SYNPR: variants seen among roughly 807,000 people sequenced by gnomAD.
SYNPR encodes synaptoporin.
In SYNPR, 23 loss-of-function variants were observed where a neutral mutation model predicts 32.9. The observed-to-expected ratio is 0.70, with a 90% CI of 0.50 to 0.99. The LOEUF (loss-of-function observed/expected upper bound fraction) is 0.99. SYNPR is among the 50% of genes least tolerant of loss of function. SYNPR has a pLI of 0.00. For synonymous variants in SYNPR, 146 were observed against 135.9 expected, an observed-to-expected ratio of 1.07 and a Z score of -0.52; for missense variants, 318 against 349.3, an observed-to-expected ratio of 0.91 and a Z score of 0.71.
chr3:63,443,099 T>TGTGAGCC, intron 2 of SYNPR: 3 of 1,089,692 alleles, frequency 2.8e-6, no homozygotes, highest in Non-Finnish European at 3.4e-6. Context: ...CACTTCCAGT[T>TGTGAGCC]GTGAGCCAAG....
chr3:63,278,791 A>G lies in SYNPR; in HGVS notation c.84+49A>G, dbSNP rs1178347184. 4 of 1,538,652 alleles carry G rather than the reference A, an allele frequency of 2.6e-6. No individual in the cohort carries two copies. The East Asian group carries it at 9.8e-5, about 38-fold the overall frequency. On this transcript the variant is annotated intron_variant, in intron 2 of 5. Transcript: ENST00000478300. ...GAGGGGCGCCAGGCAGCCAGCTATC[A>G]GGTGAGGAGAGGTCGGATGGGGTGC...
intron 4 of SYNPR, among the ~76,000 whole-genome samples, chr3:63,562,465 G>A (rs1702707289): frequency 6.6e-6 from 1 of 152,186 alleles, no homozygotes; most frequent in South Asian, 2.1e-4. Flanking sequence ...CAGAGGCTAT[G>A]TTATTCAAAC....
intron 2 of SYNPR, among the ~76,000 whole-genome samples, chr3:63,297,135 G>T (rs558242723): frequency 6.6e-6 from 1 of 152,238 alleles, no homozygotes; most frequent in African/African-American, 2.4e-5. Flanking sequence ...AAATAATTTA[G>T]ATTAGGGACT....
intron 4 of SYNPR, among the ~76,000 whole-genome samples, chr3:63,557,895 C>T (rs1199650524): frequency 6.6e-6 from 1 of 152,286 alleles, no homozygotes; most frequent in East Asian, 1.9e-4. Flanking sequence ...GGTTTGAATA[C>T]AGTTTATCCC....
chr3:63,411,398 G>T (rs985355672), intron 2 of SYNPR, among the ~76,000 whole-genome samples: 1 of 152,078 alleles, frequency 6.6e-6, no homozygotes, highest in Non-Finnish European at 1.5e-5. Context: ...GCTAGGCAGT[G>T]GTGGATATAA....
At chr3:63,460,659 G>A (rs1170102013) in intron 2 of SYNPR, among the ~76,000 whole-genome samples, 1 of 151,470 alleles carries the variant, frequency 6.6e-6, no homozygotes, top group Admixed American at 6.6e-5. Flanking sequence ...AATGAGAGAG[G>A]AGGCTAGAGG....
chr3:63,321,145 A>T (rs1341565264), intron 2 of SYNPR, among the ~76,000 whole-genome samples: 1 of 152,070 alleles, frequency 6.6e-6, no homozygotes, highest in Non-Finnish European at 1.5e-5. Flanking sequence ...AAATAAAGGG[A>T]GGACCTTACG....
In SYNPR at chr3:63,538,225, A is replaced by G. The variant is rs931689512; in HGVS notation, c.210-18318A>G. Among the ~76,000 whole-genome samples, 11 of 152,132 alleles carry G rather than the reference A, an allele frequency of 7.2e-5. 1 individual carries two copies. The highest frequency in any genetic ancestry group is 5.2e-4 in the Admixed American group (8 of 15,248). ...ATCCTACTAGAGATAAGAAACCACT[A>G]TAAGTAAACAAAACAAACCCTGAAC... On this transcript the variant is annotated intron_variant, in intron 3 of 5. Coordinates refer to ENST00000478300, the MANE Select transcript of SYNPR (RefSeq NM_001130003.2).
intron 2 of SYNPR, among the ~76,000 whole-genome samples, chr3:63,368,864 G>A (rs955516039): frequency 7.9e-5 from 12 of 152,162 alleles, no homozygotes; most frequent in African/African-American, 2.9e-4. Context: ...GTTGTTGATA[G>A]ACATTCAAAC....
At chr3:63,491,810 C>A (rs1325611702) in intron 3 of SYNPR, among the ~76,000 whole-genome samples, 1 of 152,180 alleles carries the variant, frequency 6.6e-6, no homozygotes, top group Non-Finnish European at 1.5e-5. Context: ...CATGAACCAC[C>A]ATGCCCGGCC....
At chr3:63,382,214 A>G (rs1224515814) in intron 2 of SYNPR, among the ~76,000 whole-genome samples, 1 of 152,232 alleles carries the variant, frequency 6.6e-6, no homozygotes, top group Non-Finnish European at 1.5e-5. Flanking sequence ...CTGAGTGTGG[A>G]TGGAAATCCA....
Position 63,595,757 on chromosome 3 carries a change from A to AGTTT in SYNPR, c.409-13368_409-13367insGTTT, listed in dbSNP as rs1184635748. 2.3e-4 allele frequency among the ~76,000 whole-genome samples: 7 copies of AGTTT among 31,014 alleles called. 1 individual carries two copies. Among genetic ancestry groups the AGTTT allele is most frequent in the African/African-American group, 1.3e-3 (6 of 4,480 alleles). The allele number at this position is 31,014 out of a possible 152,430, so 20.3% of individuals were successfully genotyped here. On this transcript the variant is annotated intron_variant, in intron 4 of 5. Coordinates refer to ENST00000478300, the MANE Select transcript of SYNPR (RefSeq NM_001130003.2). The stretch of plus-strand genomic sequence containing the variant: ...TATATATATATATATATATATATAT[A>AGTTT]TATATATATATAATTTTATATATAT...
chr3:63,447,878 T>A (rs1700307394), intron 2 of SYNPR, among the ~76,000 whole-genome samples: 1 of 152,334 alleles, frequency 6.6e-6, no homozygotes, highest in African/African-American at 2.4e-5. Flanking sequence ...CATGGAGCTT[T>A]GAGTTGGCCA....
At chr3:63,514,972 G>T (rs764224541) in intron 3 of SYNPR, among the ~76,000 whole-genome samples, 2 of 152,068 alleles carry the variant, frequency 1.3e-5, no homozygotes, top group South Asian at 2.1e-4. Context: ...ATCCTGAGTG[G>T]CAGGCTCAAT....
At chr3:63,439,440 T>C (rs1022205037) in intron 2 of SYNPR, among the ~76,000 whole-genome samples, 6 of 152,194 alleles carry the variant, frequency 3.9e-5, no homozygotes, top group Admixed American at 1.3e-4. Flanking sequence ...AATTCTATGA[T>C]AGAGAGTGGT....
chr3:63,349,746 C>T (rs142566162), intron 2 of SYNPR, among the ~76,000 whole-genome samples: 33 of 152,012 alleles, frequency 2.2e-4, no homozygotes, highest in African/African-American at 2.9e-4. Context: ...CAAGTTCCTT[C>T]TACTCATTTT....
intron 2 of SYNPR, among the ~76,000 whole-genome samples, chr3:63,474,657 T>C (rs1700866269): frequency 1.3e-5 from 2 of 152,110 alleles, no homozygotes; most frequent in South Asian, 4.1e-4. Context: ...GCAAATGCTA[T>C]AAAACACAGC....
chr3:63,300,452 G>A (rs973425036), intron 2 of SYNPR, among the ~76,000 whole-genome samples: 1 of 152,008 alleles, frequency 6.6e-6, no homozygotes, highest in African/African-American at 2.4e-5. Context: ...ATTCAGATAT[G>A]CTTTAAGGAT....
At chr3:63,401,490 C>T (rs928593420) in intron 2 of SYNPR, among the ~76,000 whole-genome samples, 5 of 152,132 alleles carry the variant, frequency 3.3e-5, no homozygotes, top group African/African-American at 1.2e-4. Context: ...TACCTCCCTC[C>T]CATGCTGTTC....
Sources: allele counts gnomAD v4.1 joint callset (sites outside exome capture counted in the v4.1 genomes callset), GRCh38; gene constraint gnomAD v4.1.1; transcripts MANE v1.5; gene names NCBI Gene and HGNC (gene_info 2026-07-23, HGNC 2026-07-21).